PRRT2: variants seen among roughly 807,000 people sequenced by gnomAD.
The protein encoded by PRRT2 is proline-rich transmembrane protein 2.
A neutral mutation model predicts 24.7 loss-of-function variants in PRRT2; 9 were observed. The ratio of observed to expected loss-of-function variants is 0.36; its 90% CI spans 0.22 to 0.64. PRRT2 has a LOEUF of 0.64. Ranked by LOEUF, PRRT2 falls within the 30% of genes least tolerant of loss-of-function variation. The pLI is 0.65. For synonymous variants in PRRT2, 195 were observed against 175.5 expected, an observed-to-expected ratio of 1.11 and a Z score of -0.88; for missense variants, 460 against 435.0, an observed-to-expected ratio of 1.06 and a Z score of -0.51.
Position 29,813,700 on chromosome 16 carries a change from C to G in PRRT2, c.646C>G (p.Pro216Ala). The G allele has an allele frequency of 6.3e-7, 1 of 1,582,024 alleles. No homozygotes were observed. The highest frequency in any genetic ancestry group is 8.6e-7 in the Non-Finnish European group (1 of 1,163,384). The stretch of plus-strand genomic sequence containing the variant: ...ATCCCCCCCAGCCAATGGGGCCCCC[C>G]CCCGAGTGCTGCAGCAGCTGGTTGA... ...KKSPPANGAP[P>A]RVLQQLVEED... is the part of the protein sequence containing the mutation. The change falls in exon 2 of 4, where the codon CCC (proline) becomes GCC (alanine). Residue 216 changes from proline (P) to alanine (A), a missense_variant. Pro to Ala is a conservative substitution (Grantham distance 27, BLOSUM62 -1). Coordinates refer to ENST00000358758, the MANE Select transcript of PRRT2 (RefSeq NM_145239.3).
chr16:29,812,349 CG>C (rs1457461415), intron 1 of PRRT2, 26 bp downstream of exon 1: 2 of 154,412 alleles, frequency 1.3e-5, no homozygotes, highest in African/African-American at 2.4e-5. Context: ...ACTGAGGCTG[CG>C]GGTAGGAGTG....
Position 29,813,690 on chromosome 16 carries a change from TG to T in PRRT2, c.640del (p.Ala214ProfsTer15), listed in dbSNP as rs769519069. On this transcript the variant is annotated frameshift_variant, in exon 2 of 4. Coordinates refer to ENST00000358758, the MANE Select transcript of PRRT2 (RefSeq NM_145239.3). LOFTEE classifies it high-confidence loss of function. The stretch of plus-strand genomic sequence containing the variant: ...CCTCAAAAAAATCCCCCCCAGCCAA[TG>T]GGGCCCCCCCCCGAGTGCTGCAGCA... ...PPSKKSPPAN[G>X]APPRVLQQLV... 4.4e-6 allele frequency: 5 copies of T among 1,135,402 alleles called. No individual in the cohort carries two copies. The highest frequency in any genetic ancestry group is 9.0e-5 in the East Asian group (2 of 22,240). 70.3% of individuals were successfully genotyped at this position (1,135,402 alleles called of 1,614,324 possible). A position where few individuals can be genotyped will look rare whatever the true frequency, so the allele number is the denominator to read the frequency against.
chr16:29,812,900 G>A (rs913542682), intron 1 of PRRT2, 90 bp from the exon 2 acceptor site: 6 of 773,980 alleles, frequency 7.8e-6, no homozygotes, highest in Middle Eastern at 7.9e-4. Flanking sequence ...GTGCAAGGCT[G>A]GCCCTGAGAC....
At position 29,813,313 on chromosome 16, in the gene PRRT2, C is replaced by G. The variant is rs1596890511; in HGVS notation, c.259C>G (p.Leu87Val). ...CTCAGAAACAGCCCAGGCCACAGACCTCAGCTTAAGCCCAGGAGGGGAATC... is the reference window on the plus strand; with the variant it reads ...CTCAGAAACAGCCCAGGCCACAGACGTCAGCTTAAGCCCAGGAGGGGAATC... ...GASETAQATD[L>V]SLSPGGESKA... The change falls in exon 2 of 4, where the codon CTC (leucine) becomes GTC (valine). Residue 87 changes from leucine to valine, a missense_variant. Physicochemically the swap from Leu to Val is conservative, Grantham distance 32 (BLOSUM62 1). Transcript: ENST00000358758. The G allele has an allele frequency of 6.2e-7, 1 of 1,614,096 alleles. No homozygotes were observed. The highest frequency in any genetic ancestry group is 8.5e-7 in the Non-Finnish European group (1 of 1,179,998).
intron 1 of PRRT2, among the ~76,000 whole-genome samples, 199 bp from the exon 2 acceptor site, chr16:29,812,791 C>T (rs1180302057): frequency 6.6e-6 from 1 of 151,728 alleles, no homozygotes; most frequent in African/African-American, 2.4e-5. Flanking sequence ...TTCCCCAGGG[C>T]TCTCCAAGCA....
In PRRT2 at chr16:29,814,264, A is replaced by G; in HGVS notation, c.880-69A>G. ...TCTCTCTCTTCTGGATGACTTTTCC[A>G]CCTGATCCCTTCTGGGCTGGCTTCT... is the stretch of plus-strand genomic sequence containing the variant. On this transcript the variant is annotated intron_variant, in intron 2 of 3. Coordinates refer to ENST00000358758, the MANE Select transcript of PRRT2 (RefSeq NM_145239.3). The surrounding 1 kb of genome is among the most constrained non-coding windows in gnomAD (Gnocchi z 4.1). 6.6e-7 allele frequency: 1 copy of G among 1,510,042 alleles called. No individual in the cohort carries two copies. Among genetic ancestry groups the G allele is most frequent in the South Asian group, 1.3e-5 (1 of 76,822 alleles). 93.5% of individuals were successfully genotyped at this position (1,510,042 alleles called of 1,614,324 possible).
intron 1 of PRRT2, 56 bp from the exon 2 acceptor site, chr16:29,812,934 G>A: frequency 9.3e-7 from 1 of 1,069,872 alleles, no homozygotes; most frequent in Non-Finnish European, 1.4e-6. Context: ...AATTGGGCCT[G>A]CAGTGCTGAG....
rs962212455 is a variant in PRRT2, at chr16:29,815,672, A to C, written c.*1034A>C. 3.2e-5 allele frequency: 4 copies of C among 124,596 alleles called. No homozygotes were observed. The highest frequency in any genetic ancestry group is 6.4e-5 in the Non-Finnish European group (4 of 62,462). The allele number at this position is 124,596 out of a possible 1,614,324, so 7.7% of individuals were successfully genotyped here. On this transcript the variant is annotated 3_prime_UTR_variant, in exon 4 of 4. Transcript: ENST00000358758. ...TGTTGCACGCGACAGCCCGCTGAGG[A>C]GGCGGGGACCGAGCTACAACGCGGT...
chr16:29,813,857 A>T lies in PRRT2; in HGVS notation c.803A>T (p.Tyr268Phe). The T allele has an allele frequency of 6.2e-7, 1 of 1,613,664 alleles. No homozygotes were observed. The highest frequency in any genetic ancestry group is 8.5e-7 in the Non-Finnish European group (1 of 1,179,766). ...GGEGTQKPRD[Y>F]IILAILSCFC... The stretch of plus-strand genomic sequence containing the variant: ...GAAGGCACCCAGAAACCTCGGGACT[A>T]CATCATCCTTGCCATCCTGTCCTGC... The change falls in exon 2 of 4, where the codon TAC becomes TTC. Residue 268 changes from tyrosine (Y) to phenylalanine (F), a missense_variant. Tyr to Phe is a conservative substitution (Grantham distance 22). Transcript: ENST00000358758.
Position 29,814,091 on chromosome 16 carries a change from G to T in PRRT2, c.879+158G>T. ...AGGGCCTTTGTTTGCCTCTCCCTAG[G>T]ACCTAACCCTCTGAGCCACCACTGC... On this transcript the variant is annotated intron_variant, in intron 2 of 3. Transcript: ENST00000358758. The surrounding 1 kb of genome is among the most constrained non-coding windows in gnomAD (Gnocchi z 4.1). 1 of 1,473,432 alleles carries T rather than the reference G, an allele frequency of 6.8e-7. No homozygotes were observed. Among genetic ancestry groups the T allele is most frequent in the Non-Finnish European group, 8.9e-7 (1 of 1,121,286 alleles). The allele number at this position is 1,473,432 out of a possible 1,614,324, so 91.3% of individuals were successfully genotyped here. A position where few individuals can be genotyped will look rare whatever the true frequency, so the allele number is the denominator to read the frequency against.
chr16:29,814,314 C>T lies in PRRT2; in HGVS notation c.880-19C>T, dbSNP rs900446302. 3.8e-6 allele frequency: 6 copies of T among 1,578,434 alleles called. No homozygotes were observed. In the African/African-American group the frequency reaches 4.1e-5, roughly 11 times the overall value. ...TCCTGACCCCGGCTATGTGCCTCCA[C>T]CCCTCGCCCTAACCCCAGTCCCGGA... On this transcript the variant is annotated intron_variant, in intron 2 of 3. Coordinates refer to ENST00000358758, the MANE Select transcript of PRRT2 (RefSeq NM_145239.3). This position sits in a 1 kb window ranked among gnomAD's most constrained non-coding sequence, Gnocchi z 4.1.
In PRRT2 at chr16:29,813,566, T is replaced by C; in HGVS notation, c.512T>C (p.Leu171Pro). The C allele has an allele frequency of 1.2e-6, 2 of 1,613,630 alleles. No homozygotes were observed. Among genetic ancestry groups the C allele is most frequent in the Non-Finnish European group, 1.7e-6 (2 of 1,179,824 alleles). ...CAGGAGGACCCCACCCCTGAGATTC[T>C]GTCTGAGAGTGTAGGGGAAAAGCAA... is the stretch of plus-strand genomic sequence containing the variant. ...PTQEDPTPEILSESVGEKQEN... is the reference protein window; with the variant it reads ...PTQEDPTPEIPSESVGEKQEN... The change falls in exon 2 of 4, where the codon CTG becomes CCG. Residue 171 changes from leucine (L) to proline (P), a missense_variant. Transcript: ENST00000358758.
Position 29,814,706 on chromosome 16 carries a change from G to C in PRRT2, c.*68G>C, listed in dbSNP as rs1900161443. On this transcript the variant is annotated 3_prime_UTR_variant, in exon 4 of 4. Transcript: ENST00000358758. This position sits in a 1 kb window ranked among gnomAD's most constrained non-coding sequence, Gnocchi z 4.1. ...GCTGCCTTGGGCCCATCCCTCCCCT[G>C]GGGGGAGCCCAACTGATGGCCCTGG... The C allele has an allele frequency of 2.0e-6, 3 of 1,531,254 alleles. No homozygotes were observed. Among genetic ancestry groups the C allele is most frequent in the African/African-American group, 1.4e-5 (1 of 71,920 alleles). The allele number at this position is 1,531,254 out of a possible 1,614,324, so 94.9% of individuals were successfully genotyped here. A position where few individuals can be genotyped will look rare whatever the true frequency, so the allele number is the denominator to read the frequency against.
chr16:29,813,951 C>T lies in PRRT2; in HGVS notation c.879+18C>T. 6.4e-7 allele frequency: 1 copy of T among 1,558,388 alleles called. No individual in the cohort carries two copies. On this transcript the variant is annotated intron_variant, in intron 2 of 3. Coordinates refer to ENST00000358758, the MANE Select transcript of PRRT2 (RefSeq NM_145239.3). ...CTGTCATGGTGAGCCCCATGGGACCCTAGCCCAGGCCTGCTGTGGCTCCCA... is the reference window on the plus strand; with the variant it reads ...CTGTCATGGTGAGCCCCATGGGACCTTAGCCCAGGCCTGCTGTGGCTCCCA...
rs375179846 is a variant in PRRT2 at position 29,814,651 on chromosome 16, C to G, written c.*13C>G. 1.2e-6 allele frequency: 2 copies of G among 1,608,332 alleles called. No homozygotes were observed. Among genetic ancestry groups the G allele is most frequent in the Non-Finnish European group, 1.7e-6 (2 of 1,177,276 alleles). ...AGTGTATAAGTGAGGGGCTCTGCCC[C>G]GCATCCCAAGACTTTTCTTCCTGTT... On this transcript the variant is annotated 3_prime_UTR_variant, in exon 4 of 4. Coordinates refer to ENST00000358758, the MANE Select transcript of PRRT2 (RefSeq NM_145239.3). This position sits in a 1 kb window ranked among gnomAD's most constrained non-coding sequence, Gnocchi z 4.1.
Position 29,813,396 on chromosome 16 carries a change from G to A in PRRT2, c.342G>A (p.Val114=). ...PCQETVSKPE[V]SKEATADQGS... ...AAGAAACAGTGTCCAAACCAGAAGT[G>A]AGCAAAGAGGCCACTGCAGACCAGG... The change falls in exon 2 of 4, where the codon GTG becomes GTA. Residue 114 remains valine (V), a synonymous_variant. Transcript: ENST00000358758. 6.2e-7 allele frequency: 1 copy of A among 1,614,162 alleles called. No individual in the cohort carries two copies. The highest frequency in any genetic ancestry group is 1.1e-5 in the South Asian group (1 of 91,086).
chr16:29,814,043 A>G lies in PRRT2; in HGVS notation c.879+110A>G. 2 of 1,491,824 alleles carry G rather than the reference A, an allele frequency of 1.3e-6. No individual in the cohort carries two copies. Among genetic ancestry groups the G allele is most frequent in the African/African-American group, 1.4e-5 (1 of 71,134 alleles). The allele number at this position is 1,491,824 out of a possible 1,614,324, so 92.4% of individuals were successfully genotyped here. ...GCCTTCCTTCCCCTCTCCTCTCTGC[A>G]TGGATCCCACCTCCCCAATTCCAGG... On this transcript the variant is annotated intron_variant, in intron 2 of 3. Transcript: ENST00000358758. This position sits in a 1 kb window ranked among gnomAD's most constrained non-coding sequence, Gnocchi z 4.1.
Position 29,814,557 on chromosome 16 carries a change from C to T in PRRT2, c.1013-71C>T. The T allele has an allele frequency of 6.2e-7, 1 of 1,610,644 alleles. No homozygotes were observed. The highest frequency in any genetic ancestry group is 8.5e-7 in the Non-Finnish European group (1 of 1,177,900). On this transcript the variant is annotated intron_variant, in intron 3 of 3. Transcript: ENST00000358758. This position sits in a 1 kb window ranked among gnomAD's most constrained non-coding sequence, Gnocchi z 4.1. ...CTGCCCCTGCTCTCTCCTGTCTGTC[C>T]TCCTTACCTCTCCTTTGTCTCTCCT...
At position 29,814,533 on chromosome 16, in the gene PRRT2, T is replaced by C; in HGVS notation, c.1012+68T>C. ...TGGCAAGGGCAGCTTTACTAACCCC[T>C]GCCCCTGCTCTCTCCTGTCTGTCCT... is the stretch of plus-strand genomic sequence containing the variant. On this transcript the variant is annotated intron_variant, in intron 3 of 3. Coordinates refer to ENST00000358758, the MANE Select transcript of PRRT2 (RefSeq NM_145239.3). This position sits in a 1 kb window ranked among gnomAD's most constrained non-coding sequence, Gnocchi z 4.1. 6.2e-7 allele frequency: 1 copy of C among 1,608,390 alleles called. No individual in the cohort carries two copies. Among genetic ancestry groups the C allele is most frequent in the Non-Finnish European group, 8.5e-7 (1 of 1,177,078 alleles).
Sources: gnomAD v4.1 joint callset for allele counts (sites outside exome capture counted in the v4.1 genomes callset) on GRCh38, gnomAD v4.1.1 for gene constraint, Gnocchi (gnomAD v3.1) non-coding constraint, MANE v1.5 for transcripts, NCBI Gene and HGNC (gene_info 2026-07-23, HGNC 2026-07-21) for gene names.